STXBP5L: variants seen among roughly 807,000 people sequenced by gnomAD.
STXBP5L encodes syntaxin-binding protein 5-like.
A neutral mutation model predicts 144.5 loss-of-function variants in STXBP5L; 65 were observed. The ratio of observed to expected loss-of-function variants is 0.45; its 90% CI spans 0.37 to 0.55. The LOEUF (loss-of-function observed/expected upper bound fraction) is 0.55. Among genes scored for constraint, STXBP5L ranks in the 20% least tolerant of loss-of-function variants. STXBP5L has a pLI of 0.00. For synonymous variants in STXBP5L, 505 were observed against 469.6 expected (o/e 1.08, Z -0.97); for missense variants, 1,298 against 1,405.5 (o/e 0.92, Z 1.22).
chr3:121,092,866 G>A (rs59538698), intron 5 of STXBP5L, among the ~76,000 whole-genome samples: 1 of 152,310 alleles, frequency 6.6e-6, no homozygotes, highest in East Asian at 1.9e-4. Flanking sequence ...CAAAGGGAAT[G>A]CTTCCAGTAT....
chr3:121,338,455 C>A (rs1190386963), intron 20 of STXBP5L, among the ~76,000 whole-genome samples: 1 of 151,328 alleles, frequency 6.6e-6, no homozygotes, highest in Non-Finnish European at 1.5e-5. Flanking sequence ...ACCAGCCTAG[C>A]CAACATGATG....
In STXBP5L at chr3:121,407,270, T is replaced by C; in HGVS notation, c.2615T>C (p.Val872Ala). 2 of 1,592,054 alleles carry C rather than the reference T, an allele frequency of 1.3e-6. No individual in the cohort carries two copies. The highest frequency in any genetic ancestry group is 1.7e-6 in the Non-Finnish European group (2 of 1,170,314). ...ACATTCCTCTCATTGAAAGGAGCTGTGCTAACATTCTCCTGTATGGACCGA... is the reference window on the plus strand; with the variant it reads ...ACATTCCTCTCATTGAAAGGAGCTGCGCTAACATTCTCCTGTATGGACCGA... ...SGTFLSLKGAVLTFSCMDRMG... is the reference protein window; with the variant it reads ...SGTFLSLKGAALTFSCMDRMG... Residue 872 changes from valine to alanine, a missense_variant, in exon 23 of 27, where the codon GTG (valine) becomes GCG (alanine). By Grantham distance (64) the Val-to-Ala change is moderately conservative. Coordinates refer to ENST00000471454, the MANE Select transcript of STXBP5L (RefSeq NM_001308330.2).
At chr3:121,291,555 T>C (rs772575888) in intron 19 of STXBP5L, among the ~76,000 whole-genome samples, 1 of 151,728 alleles carries the variant, frequency 6.6e-6, no homozygotes, top group Non-Finnish European at 1.5e-5. Flanking sequence ...GAAAAAACAA[T>C]CCTAAAATTC....
At chr3:121,083,682 G>T (rs1321355140) in intron 5 of STXBP5L, among the ~76,000 whole-genome samples, 1 of 151,680 alleles carries the variant, frequency 6.6e-6, no homozygotes, top group Admixed American at 6.6e-5. Context: ...AAAAAATGGT[G>T]TCAATTATTC....
chr3:121,368,265 T>A (rs1445388946), intron 20 of STXBP5L, among the ~76,000 whole-genome samples: 2 of 152,180 alleles, frequency 1.3e-5, no homozygotes, highest in Non-Finnish European at 2.9e-5. Flanking sequence ...CTTTGAATTC[T>A]TCTAGTGAAT....
chr3:120,993,302 G>A (rs1313354434), intron 3 of STXBP5L, among the ~76,000 whole-genome samples: 1 of 151,942 alleles, frequency 6.6e-6, no homozygotes, highest in Non-Finnish European at 1.5e-5. Flanking sequence ...TCTGCAGTAG[G>A]TTTTCAATTT....
At chr3:120,995,475 T>G (rs1375141001) in intron 3 of STXBP5L, among the ~76,000 whole-genome samples, 2 of 152,144 alleles carry the variant, frequency 1.3e-5, no homozygotes, top group East Asian at 3.9e-4. Flanking sequence ...TTCTTCTGTT[T>G]CTCTTTTCTT....
chr3:121,312,097 A>T (rs1303935755), intron 19 of STXBP5L, among the ~76,000 whole-genome samples: 2 of 152,210 alleles, frequency 1.3e-5, no homozygotes, highest in African/African-American at 2.4e-5. Flanking sequence ...TGGGGAAAGG[A>T]TTCCCTATTT....
intron 9 of STXBP5L, among the ~76,000 whole-genome samples, chr3:121,188,972 G>C (rs1334206739): frequency 6.6e-6 from 1 of 152,188 alleles, no homozygotes. Flanking sequence ...AATCAGGCAA[G>C]AGAAAGAAAT....
chr3:120,921,198 G>T (rs1709344504), intron 2 of STXBP5L, among the ~76,000 whole-genome samples: 1 of 151,880 alleles, frequency 6.6e-6, no homozygotes, highest in African/African-American at 2.4e-5. Flanking sequence ...TCTCATTGTA[G>T]TTTTGATTTG....
Position 121,421,799 on chromosome 3 carries a change from T to C in STXBP5L, c.*2702T>C, listed in dbSNP as rs554272695. 26 of 152,104 alleles carry C rather than the reference T, an allele frequency of 1.7e-4. No homozygotes were observed. Among genetic ancestry groups the C allele is most frequent in the Non-Finnish European group, 3.5e-4 (24 of 68,006 alleles). 9.4% of individuals were successfully genotyped at this position (152,104 alleles called of 1,614,324 possible). A position where few individuals can be genotyped will look rare whatever the true frequency, so the allele number is the denominator to read the frequency against. Reference sequence around the variant, plus strand: ...TAAAACCTTGGCCTCAGTGAATAGATCAAAAGTTTATAATTAGCACACCAA... The same window carrying C: ...TAAAACCTTGGCCTCAGTGAATAGACCAAAAGTTTATAATTAGCACACCAA... On this transcript the variant is annotated 3_prime_UTR_variant, in exon 27 of 27. Transcript: ENST00000471454.
chr3:121,268,164 C>T (rs2050632766), intron 18 of STXBP5L, among the ~76,000 whole-genome samples: 2 of 152,110 alleles, frequency 1.3e-5, no homozygotes. Context: ...AACCGAAATG[C>T]CCTTCAATGA....
chr3:121,087,475 C>T (rs374062328), intron 5 of STXBP5L, among the ~76,000 whole-genome samples: 1 of 151,966 alleles, frequency 6.6e-6, no homozygotes, highest in Non-Finnish European at 1.5e-5. Context: ...TTTTCATTAT[C>T]TAACATAATA....
At chr3:121,292,757 A>G (rs2051491831) in intron 19 of STXBP5L, among the ~76,000 whole-genome samples, 1 of 152,228 alleles carries the variant, frequency 6.6e-6, no homozygotes, top group Non-Finnish European at 1.5e-5. Flanking sequence ...GTTGGAGACC[A>G]TTATTCTAAG....
intron 3 of STXBP5L, among the ~76,000 whole-genome samples, chr3:120,989,225 A>T (rs796338961): frequency 7.2e-5 from 11 of 151,974 alleles, no homozygotes; most frequent in African/African-American, 2.6e-4. Context: ...TTTCCATAGA[A>T]GTTGTGCAAA....
intron 11 of STXBP5L, among the ~76,000 whole-genome samples, chr3:121,228,095 C>T (rs957196183): frequency 4.6e-5 from 7 of 152,176 alleles, no homozygotes; most frequent in African/African-American, 1.7e-4. Flanking sequence ...ATGGTGTTCA[C>T]TGCTAAATAA....
chr3:121,406,678 T>C (rs1196615398), intron 22 of STXBP5L, among the ~76,000 whole-genome samples: 1 of 152,038 alleles, frequency 6.6e-6, no homozygotes, highest in African/African-American at 2.4e-5. Context: ...TTTCATACAA[T>C]TAAAATTGCC....
intron 18 of STXBP5L, among the ~76,000 whole-genome samples, chr3:121,264,828 C>T (rs1005287644): frequency 2.1e-5 from 3 of 145,722 alleles, no homozygotes; most frequent in South Asian, 2.1e-4. Context: ...AAAAAGATTG[C>T]AATCTTAGTC....
At chr3:121,041,914 T>C (rs1019155033) in intron 4 of STXBP5L, 133 bp downstream of exon 4, 5 of 604,132 alleles carry the variant, frequency 8.3e-6, no homozygotes, top group Non-Finnish European at 1.4e-5. Context: ...CTGATTATAT[T>C]TTTCACAAAA....
Sources: gnomAD v4.1 joint callset for allele counts (sites outside exome capture counted in the v4.1 genomes callset) on GRCh38, gnomAD v4.1.1 for gene constraint, MANE v1.5 for transcripts, NCBI Gene and HGNC (gene_info 2026-07-23, HGNC 2026-07-21) for gene names.